MED12L: variants seen among roughly 807,000 people sequenced by gnomAD.
The protein encoded by MED12L is mediator complex subunit 12L, also known as mediator of RNA polymerase II transcription subunit 12-like protein.
In MED12L, 60 loss-of-function variants were observed where a neutral mutation model predicts 281.3. That is an observed-to-expected ratio of 0.21 (90% CI 0.17 to 0.26). The LOEUF (loss-of-function observed/expected upper bound fraction) is 0.26, where lower values mean the gene tolerates loss of function less well. MED12L is among the 10% of genes least tolerant of loss of function. MED12L has a pLI of 1.00. For missense variants in MED12L, 2,146 were observed against 2,680.9 expected, an observed-to-expected ratio of 0.80 and a Z score of 4.41; for synonymous variants, 974 against 987.2, an observed-to-expected ratio of 0.99 and a Z score of 0.25.
intron 16 of MED12L, among the ~76,000 whole-genome samples, chr3:151,200,298 T>G (rs1725356962): frequency 6.6e-6 from 1 of 152,180 alleles, no homozygotes; most frequent in South Asian, 2.1e-4. Context: ...CTATTCAAAC[T>G]CACATGCTTA....
At chr3:151,156,011 A>T in intron 5 of MED12L, 150 bp from the exon 6 acceptor site, 1 of 627,856 alleles carries the variant, frequency 1.6e-6, no homozygotes, top group Non-Finnish European at 2.5e-6. Context: ...TCCTTTTCTG[A>T]GCACTGCTTG....
At position 151,208,738 on chromosome 3, in the gene MED12L, T is replaced by C. The variant is rs76083958; in HGVS notation, c.2250+15072T>C. Among the ~76,000 whole-genome samples the C allele has an allele frequency of 6.4e-3, 968 of 152,150 alleles. 10 individuals are homozygous for C. The highest frequency in any genetic ancestry group is 0.022 in the African/African-American group (930 of 41,506). On this transcript the variant is annotated intron_variant, in intron 16 of 44. Transcript: ENST00000687756. Reference sequence around the variant, plus strand: ...AATATGTAATATTGTATGGATATGATGAGGGCCATGTTTTCTTGGTGTTCA... The same window carrying C: ...AATATGTAATATTGTATGGATATGACGAGGGCCATGTTTTCTTGGTGTTCA...
intron 4 of MED12L, among the ~76,000 whole-genome samples, chr3:151,127,393 A>C (rs942875458): frequency 2.6e-5 from 4 of 152,208 alleles, no homozygotes; most frequent in South Asian, 2.1e-4. Context: ...TACACACACA[A>C]AAAAAGGTCC....
rs1365920020 is a variant in MED12L, at chr3:151,190,884, G to A, written c.1921G>A (p.Glu641Lys). The A allele has an allele frequency of 1.2e-6, 2 of 1,614,036 alleles. No homozygotes were observed. The highest frequency in any genetic ancestry group is 1.7e-6 in the Non-Finnish European group (2 of 1,180,048). Residue 641 changes from glutamate (E) to lysine (K), a missense_variant, in exon 14 of 45, where the codon GAA (glutamate) becomes AAA (lysine). By Grantham distance (56) the Glu-to-Lys change is moderately conservative. This residue lies in a region of MED12L where 722 missense variants were observed against 861.2 expected (regional missense o/e 0.84). Transcript: ENST00000687756. ...AACTCGGCCGCGGTCACCAGTAGGG[G>A]AAAATGCAGATGAACACTATTCAAA... ...ASTRPRSPVG[E>K]NADEHYSKDH... is the part of the protein sequence containing the mutation.
chr3:151,380,429 TGTA>T (rs1176537016), intron 32 of MED12L, among the ~76,000 whole-genome samples: 6 of 152,162 alleles, frequency 3.9e-5, no homozygotes, highest in Middle Eastern at 3.4e-3. Context: ...AAACCCCGTC[TGTA>T]CTAAAAATAC....
chr3:151,328,151 GTTGT>G, intron 16 of MED12L: 1 of 1,612,850 alleles, frequency 6.2e-7, no homozygotes. Flanking sequence ...CAAAAAGAGA[GTTGT>G]TTCTTTAGCA....
intron 16 of MED12L, among the ~76,000 whole-genome samples, chr3:151,275,176 T>G (rs1741637004): frequency 6.6e-6 from 1 of 152,100 alleles, no homozygotes; most frequent in South Asian, 2.1e-4. Context: ...AATAATTGCG[T>G]GTGTATGATC....
chr3:151,367,858 A>G (rs1288028657), intron 24 of MED12L, 92 bp downstream of exon 24: 2 of 1,417,800 alleles, frequency 1.4e-6, no homozygotes, highest in East Asian at 2.3e-5. Flanking sequence ...GGAGTATTTG[A>G]GGGTATGTAT....
chr3:151,205,653 T>TA (rs1463979745), intron 16 of MED12L, among the ~76,000 whole-genome samples: 1 of 152,096 alleles, frequency 6.6e-6, no homozygotes, highest in Non-Finnish European at 1.5e-5. Context: ...AGCCATGAGA[T>TA]ACAGGAGATT....
rs896780350 is a variant in MED12L at position 151,234,248 on chromosome 3, A to G, written c.2250+40582A>G. Among the ~76,000 whole-genome samples, 6 of 152,256 alleles carry G rather than the reference A, an allele frequency of 3.9e-5. 1 individual carries two copies. The highest frequency in any genetic ancestry group is 3.9e-4 in the Admixed American group (6 of 15,288). ...CCTAGTGAAATTTTATGCAGCAGTG[A>G]GACTGAATTAACTACAGTTAGTAAC... On this transcript the variant is annotated intron_variant, in intron 16 of 44. Transcript: ENST00000687756.
intron 16 of MED12L, among the ~76,000 whole-genome samples, chr3:151,335,764 T>A (rs1020793025): frequency 2.0e-5 from 3 of 152,220 alleles, no homozygotes; most frequent in African/African-American, 7.2e-5. Context: ...GTATATGATG[T>A]CTAAGGTCTC....
intron 16 of MED12L, among the ~76,000 whole-genome samples, chr3:151,219,897 C>G (rs1004173435): frequency 2.9e-5 from 4 of 136,604 alleles, no homozygotes; most frequent in Non-Finnish European, 6.3e-5. Context: ...TATTACCCCC[C>G]CCCCCCCCTT....
At chr3:151,382,389 G>C (rs189151040) in intron 32 of MED12L, among the ~76,000 whole-genome samples, 218 of 152,064 alleles carry the variant, frequency 1.4e-3, no homozygotes, top group African/African-American at 4.8e-3. Flanking sequence ...TAATTTGATG[G>C]CCCTCTCAAG....
At chr3:151,202,892 A>T (rs1725830282) in intron 16 of MED12L, among the ~76,000 whole-genome samples, 1 of 152,210 alleles carries the variant, frequency 6.6e-6, no homozygotes, top group South Asian at 2.1e-4. Context: ...GGTGTCAATT[A>T]TCCTGTCTTT....
At chr3:151,318,765 T>A (rs1470427104) in intron 16 of MED12L, among the ~76,000 whole-genome samples, 1 of 152,184 alleles carries the variant, frequency 6.6e-6, no homozygotes, top group Admixed American at 6.5e-5. Context: ...GTGAAAGGGT[T>A]ATCATAGGCC....
chr3:151,325,255 A>G (rs1277572679), intron 16 of MED12L, among the ~76,000 whole-genome samples: 1 of 152,170 alleles, frequency 6.6e-6, no homozygotes, highest in African/African-American at 2.4e-5. Context: ...TGGTTTCTCA[A>G]GAATTCTTCC....
chr3:151,137,193 A>G (rs1032382101), intron 5 of MED12L, among the ~76,000 whole-genome samples: 3 of 151,900 alleles, frequency 2.0e-5, no homozygotes, highest in East Asian at 3.9e-4. Context: ...AAAAGAACGA[A>G]AAAAAGTTTA....
At chr3:151,270,158 T>C in intron 16 of MED12L, 1 of 210,192 alleles carries the variant, frequency 4.8e-6, no homozygotes, top group Non-Finnish European at 9.3e-6. Flanking sequence ...GGTTCCAACC[T>C]TTTTAAAAAT....
chr3:151,379,150 A>G (rs1392737264), intron 31 of MED12L, among the ~76,000 whole-genome samples: 1 of 152,224 alleles, frequency 6.6e-6, no homozygotes, highest in African/African-American at 2.4e-5. Context: ...TTGTTTTACC[A>G]TGTTGGCCAG....
Sources: allele counts gnomAD v4.1 joint callset (sites outside exome capture counted in the v4.1 genomes callset), GRCh38; gene constraint gnomAD v4.1.1; regional missense constraint gnomAD v4.1.1; transcripts MANE v1.5; gene names NCBI Gene and HGNC (gene_info 2026-07-23, HGNC 2026-07-21).